EMCN: variants seen among roughly 807,000 people sequenced by gnomAD.
EMCN encodes the protein endomucin.
A neutral mutation model predicts 38.4 loss-of-function variants in EMCN; 37 were observed. The observed-to-expected ratio is 0.96, with a 90% CI of 0.74 to 1.27. The LOEUF is 1.27. Ranked by LOEUF, EMCN falls within the 50% of genes most tolerant of loss-of-function variation. The pLI, the probability that EMCN is intolerant of heterozygous loss-of-function variation, is 0.00. For missense variants in EMCN, 318 were observed against 302.8 expected (o/e 1.05, Z -0.37); for synonymous variants, 95 against 100.8 (o/e 0.94, Z 0.35).
intron 8 of EMCN, among the ~76,000 whole-genome samples, chr4:100,420,929 C>T (rs1380328870): frequency 6.6e-6 from 1 of 151,956 alleles, no homozygotes; most frequent in Non-Finnish European, 1.5e-5. Context: ...AGCAATCTCC[C>T]TCTTTATTTT....
In EMCN at chr4:100,395,988, G is replaced by T. The variant is rs1242186234; in HGVS notation, c.*2425C>A. 6.6e-6 allele frequency: 1 copy of T among 152,112 alleles called. No individual in the cohort carries two copies. The highest frequency in any genetic ancestry group is 2.4e-5 in the African/African-American group (1 of 41,426). The allele number at this position is 152,112 out of a possible 1,614,324, so 9.4% of individuals were successfully genotyped here. A position where few individuals can be genotyped will look rare whatever the true frequency, so the allele number is the denominator to read the frequency against. On this transcript the variant is annotated 3_prime_UTR_variant, in exon 12 of 12. Coordinates refer to ENST00000296420, the MANE Select transcript of EMCN (RefSeq NM_016242.4). ...ATCTAAATACAGGCACTTCTTTGTTGCAATGATGTTTGAACTGTGTATCAG... is the reference window on the plus strand; with the variant it reads ...ATCTAAATACAGGCACTTCTTTGTTTCAATGATGTTTGAACTGTGTATCAG...
chr4:100,476,408 C>T (rs905093390), intron 2 of EMCN, among the ~76,000 whole-genome samples: 5 of 152,040 alleles, frequency 3.3e-5, no homozygotes, highest in Admixed American at 3.3e-4. Flanking sequence ...TTCAACCACC[C>T]AAAGTGCTGA....
At chr4:100,406,688 A>G (rs978514791) in intron 11 of EMCN, among the ~76,000 whole-genome samples, 1 of 152,148 alleles carries the variant, frequency 6.6e-6, no homozygotes, top group Non-Finnish European at 1.5e-5. Flanking sequence ...TGCATGGATG[A>G]GAAGGATTTA....
intron 1 of EMCN, among the ~76,000 whole-genome samples, chr4:100,513,265 T>C (rs1729673462): frequency 6.6e-6 from 1 of 152,202 alleles, no homozygotes; most frequent in Non-Finnish European, 1.5e-5. Context: ...GGATTTGTTC[T>C]ATATTGGTTT....
At chr4:100,509,729 C>T (rs552138189) in intron 1 of EMCN, among the ~76,000 whole-genome samples, 29 of 152,154 alleles carry the variant, frequency 1.9e-4, no homozygotes, top group Non-Finnish European at 1.2e-4. Context: ...ATTATTTCAA[C>T]ACATGGCCAT....
At chr4:100,456,964 T>G (rs1728034531) in intron 4 of EMCN, among the ~76,000 whole-genome samples, 1 of 152,196 alleles carries the variant, frequency 6.6e-6, no homozygotes, top group Non-Finnish European at 1.5e-5. Flanking sequence ...AATGTTTGCT[T>G]TATATATTTT....
At chr4:100,441,572 C>T (rs373430474) in intron 5 of EMCN, among the ~76,000 whole-genome samples, 4 of 152,036 alleles carry the variant, frequency 2.6e-5, no homozygotes, top group Non-Finnish European at 4.4e-5. Context: ...TTGGTAGCTT[C>T]GTTTCTTTCT....
At chr4:100,437,312 A>G (rs1350840633) in intron 5 of EMCN, among the ~76,000 whole-genome samples, 1 of 151,958 alleles carries the variant, frequency 6.6e-6, no homozygotes, top group Non-Finnish European at 1.5e-5. Flanking sequence ...ACCCCTTATC[A>G]GGTATATGGT....
chr4:100,472,543 T>C lies in EMCN; in HGVS notation c.259+2495A>G, dbSNP rs141351523. 1.6e-3 allele frequency among the ~76,000 whole-genome samples: 250 copies of C among 152,260 alleles called. 1 individual carries two copies. The highest frequency in any genetic ancestry group is 3.0e-3 in the Non-Finnish European group (205 of 67,984). On this transcript the variant is annotated intron_variant, in intron 3 of 11. Transcript: ENST00000296420. ...TGTTAAGATGGCAATACTCCTCAAATTGATCTACAGATTTAATGCAATCCC... is the reference window on the plus strand; with the variant it reads ...TGTTAAGATGGCAATACTCCTCAAACTGATCTACAGATTTAATGCAATCCC...
At chr4:100,448,177 G>A (rs1201396869) in intron 4 of EMCN, among the ~76,000 whole-genome samples, 6 of 152,070 alleles carry the variant, frequency 3.9e-5, no homozygotes, top group African/African-American at 1.4e-4. Flanking sequence ...GTCCAGGAGA[G>A]CTTTCTGCAA....
rs1726108321 is a variant in EMCN, at chr4:100,395,947, GA to G, written c.*2465del. 6.6e-6 allele frequency: 1 copy of G among 152,116 alleles called. No homozygotes were observed. 9.4% of individuals were successfully genotyped at this position (152,116 alleles called of 1,614,324 possible). On this transcript the variant is annotated 3_prime_UTR_variant, in exon 12 of 12. Coordinates refer to ENST00000296420, the MANE Select transcript of EMCN (RefSeq NM_016242.4). ...TATTATTATGCAAAACAAACACATA[GA>G]AAGTCTTGCCTTTGATCTAAATACA...
At chr4:100,514,380 C>A (rs1295535796) in intron 1 of EMCN, among the ~76,000 whole-genome samples, 2 of 152,058 alleles carry the variant, frequency 1.3e-5, no homozygotes, top group East Asian at 3.9e-4. Flanking sequence ...CTTTCTACTT[C>A]CTTAAAGCTC....
At chr4:100,457,934 T>C (rs947050074) in intron 4 of EMCN, among the ~76,000 whole-genome samples, 3 of 152,006 alleles carry the variant, frequency 2.0e-5, no homozygotes, top group African/African-American at 7.2e-5. Flanking sequence ...CTGGCCAAGA[T>C]GGTGAAATCC....
intron 1 of EMCN, among the ~76,000 whole-genome samples, chr4:100,510,089 G>T (rs1049574260): frequency 1.3e-5 from 2 of 152,078 alleles, no homozygotes; most frequent in African/African-American, 4.8e-5. Context: ...TCAAACTTAA[G>T]TTTTCACATT....
rs189742012 is a variant in EMCN, at chr4:100,509,562, C to T, written c.64+8289G>A. ...CTGGGGAGAGTGCCCAAGAACTCAACGCTTATGTTCTCACACTTGCTGAAC... is the reference window on the plus strand; with the variant it reads ...CTGGGGAGAGTGCCCAAGAACTCAATGCTTATGTTCTCACACTTGCTGAAC... On this transcript the variant is annotated intron_variant, in intron 1 of 11. Transcript: ENST00000296420. Among the ~76,000 whole-genome samples the T allele has an allele frequency of 2.0e-3, 303 of 152,226 alleles. 1 individual carries two copies. Among genetic ancestry groups the T allele is most frequent in the African/African-American group, 6.0e-3 (250 of 41,558 alleles).
At position 100,433,395 on chromosome 4, in the gene EMCN, T is replaced by C. The variant is rs1013160808; in HGVS notation, c.416-9991A>G. Among the ~76,000 whole-genome samples, 4 of 152,318 alleles carry C rather than the reference T, an allele frequency of 2.6e-5. No homozygotes were observed. In the South Asian group the frequency reaches 6.2e-4, roughly 24 times the overall value. Reference sequence around the variant, plus strand: ...ACTTTTAGTTTCTACGTCTTGGCTGTCATGAAAATGGGAGTCCACATATCC... The same window carrying C: ...ACTTTTAGTTTCTACGTCTTGGCTGCCATGAAAATGGGAGTCCACATATCC... On this transcript the variant is annotated intron_variant, in intron 5 of 11. Coordinates refer to ENST00000296420, the MANE Select transcript of EMCN (RefSeq NM_016242.4).
chr4:100,473,565 T>C (rs568140058), intron 3 of EMCN, among the ~76,000 whole-genome samples: 1 of 151,924 alleles, frequency 6.6e-6, no homozygotes, highest in South Asian at 2.1e-4. Flanking sequence ...CTAACGAACA[T>C]ACAGTGCATT....
At chr4:100,497,529 A>C (rs1454039270) in intron 1 of EMCN, among the ~76,000 whole-genome samples, 1 of 152,022 alleles carries the variant, frequency 6.6e-6, no homozygotes, top group African/African-American at 2.4e-5. Context: ...GGCACCCACC[A>C]CCACGCCTGG....
At chr4:100,455,509 G>GTTTTTT (rs11432936) in intron 4 of EMCN, among the ~76,000 whole-genome samples, 3 of 133,534 alleles carry the variant, frequency 2.2e-5, no homozygotes, top group Non-Finnish European at 3.1e-5. Context: ...AGGGTGAAAA[G>GTTTTTT]TTTTTTTTTT....
Sources: allele counts gnomAD v4.1 joint callset (sites outside exome capture counted in the v4.1 genomes callset), GRCh38; gene constraint gnomAD v4.1.1; transcripts MANE v1.5; gene names NCBI Gene and HGNC (gene_info 2026-07-23, HGNC 2026-07-21).